STK10: variants seen among roughly 807,000 people sequenced by gnomAD.
STK10 encodes the protein serine/threonine-protein kinase 10.
Under a neutral mutation model 113.8 loss-of-function variants are expected in STK10, and 78 were observed. The observed-to-expected ratio is 0.69, with a 90% CI of 0.57 to 0.83. The LOEUF (loss-of-function observed/expected upper bound fraction) is 0.83. STK10 is among the 40% of genes least tolerant of loss of function. The probability of loss-of-function intolerance (pLI) is 0.00; values close to 1 mark genes in which losing one functional copy is unlikely to be tolerated. For missense variants in STK10, 1,109 were observed against 1,280.1 expected (o/e 0.87, Z 2.04); for synonymous variants, 465 against 494.7 (o/e 0.94, Z 0.80).
intron 15 of STK10, among the ~76,000 whole-genome samples, chr5:172,056,371 G>C (rs1055556882): frequency 2.0e-5 from 3 of 152,258 alleles, no homozygotes; most frequent in African/African-American, 7.2e-5. Flanking sequence ...AACTGAGACA[G>C]ACAATTCCCG....
intron 4 of STK10, among the ~76,000 whole-genome samples, chr5:172,112,416 CTTTTTTT>C (rs1159424183): frequency 2.9e-5 from 3 of 103,072 alleles, no homozygotes; most frequent in Admixed American, 1.1e-4. Context: ...AGGGACCTTA[CTTTTTTT>C]TTTTTTTTTT....
chr5:172,104,310 G>A (rs946542550), intron 7 of STK10, among the ~76,000 whole-genome samples: 7 of 152,160 alleles, frequency 4.6e-5, no homozygotes, highest in South Asian at 2.1e-4. Context: ...GCAAATGACC[G>A]GGCAAGTGCT....
At chr5:172,092,702 T>G (rs1377548631) in intron 9 of STK10, 1 of 152,166 alleles carries the variant, frequency 6.6e-6, no homozygotes, top group East Asian at 1.9e-4. Context: ...GAGCTTTGGG[T>G]AGAGGGTCAG....
intron 1 of STK10, among the ~76,000 whole-genome samples, chr5:172,180,344 A>T (rs1301677739): frequency 6.6e-6 from 1 of 151,970 alleles, no homozygotes; most frequent in Non-Finnish European, 1.5e-5. Flanking sequence ...GGGCGCCTGT[A>T]ATCCCAGCTA....
chr5:172,153,286 C>CGAAAG, intron 2 of STK10, among the ~76,000 whole-genome samples: 1 of 91,746 alleles, frequency 1.1e-5, no homozygotes, highest in East Asian at 3.5e-4. Context: ...AACTCCATCT[C>CGAAAG]AAAAAGAAAG....
At chr5:172,142,336 C>T (rs1769990823) in intron 2 of STK10, among the ~76,000 whole-genome samples, 1 of 152,228 alleles carries the variant, frequency 6.6e-6, no homozygotes, top group African/African-American at 2.4e-5. Flanking sequence ...GACCAGCCCT[C>T]TGGGAATAAA....
At chr5:172,072,453 A>G (rs28809783) in intron 12 of STK10, among the ~76,000 whole-genome samples, 1 of 151,920 alleles carries the variant, frequency 6.6e-6, no homozygotes, top group African/African-American at 2.4e-5. Flanking sequence ...TTTTTAGTAG[A>G]GATGGGGTTT....
At chr5:172,075,882 C>T (rs756291763) in intron 12 of STK10, among the ~76,000 whole-genome samples, 2 of 152,142 alleles carry the variant, frequency 1.3e-5, no homozygotes, top group African/African-American at 2.4e-5. Context: ...TCTTGTACCT[C>T]GTTGTGATGT....
chr5:172,097,253 T>G (rs1470983432), intron 7 of STK10, among the ~76,000 whole-genome samples: 5 of 152,230 alleles, frequency 3.3e-5, no homozygotes, highest in African/African-American at 7.2e-5. Flanking sequence ...TTGGCCAGGC[T>G]GGTCTCAAAC....
At chr5:172,088,113 G>T (rs62381961) in intron 10 of STK10, among the ~76,000 whole-genome samples, 2 of 151,612 alleles carry the variant, frequency 1.3e-5, no homozygotes, top group Non-Finnish European at 2.9e-5. Flanking sequence ...GAGACACTAG[G>T]TTGCCCAGAT....
rs182717852 is a variant in STK10, at chr5:172,048,832, C to T, written c.2767-3810G>A. Among the ~76,000 whole-genome samples, 312 of 152,126 alleles carry T rather than the reference C, an allele frequency of 2.1e-3. 2 individuals carry two copies. Among genetic ancestry groups the T allele is most frequent in the Middle Eastern group, 3.4e-3 (1 of 294 alleles). On this transcript the variant is annotated intron_variant, in intron 18 of 18. Coordinates refer to ENST00000176763, the MANE Select transcript of STK10 (RefSeq NM_005990.4). ...GTAAAAGCCAGACTTTACGCAGGCC[C>T]CCCACCCCTCTGACTTTACCTCCTA...
chr5:172,072,443 T>C (rs935397576), intron 12 of STK10, among the ~76,000 whole-genome samples: 10 of 152,136 alleles, frequency 6.6e-5, no homozygotes, highest in African/African-American at 2.2e-4. Context: ...ATTTTTTGTA[T>C]TTTTAGTAGA....
chr5:172,136,367 C>A (rs1037848958), intron 2 of STK10, among the ~76,000 whole-genome samples: 2 of 152,146 alleles, frequency 1.3e-5, no homozygotes, highest in Non-Finnish European at 2.9e-5. Flanking sequence ...AAGGCCGAGG[C>A]GGGTGGACAC....
intron 12 of STK10, among the ~76,000 whole-genome samples, chr5:172,078,783 T>C (rs1768366480): frequency 7.0e-6 from 1 of 143,288 alleles, no homozygotes; most frequent in Admixed American, 6.8e-5. Flanking sequence ...TCTGCCTCGT[T>C]CAGAGGCAGG....
At chr5:172,115,979 T>C (rs1769374481) in intron 4 of STK10, among the ~76,000 whole-genome samples, 1 of 152,178 alleles carries the variant, frequency 6.6e-6, no homozygotes, top group African/African-American at 2.4e-5. Context: ...GGTTGGGAGT[T>C]GGGGATGCTG....
At position 172,055,651 on chromosome 5, in the gene STK10, G is replaced by A; in HGVS notation, c.2463C>T (p.Tyr821=). ...RSEGKTRMAM[Y]KKSLHINGGG... ...CGCCGTTGATGTGGAGGCTCTTCTT[G>A]TACATGGCCATGCGCGTCTTGCCCT... Residue 821 remains tyrosine, a synonymous_variant, in exon 16 of 19, where the codon TAC becomes TAT. Coordinates refer to ENST00000176763, the MANE Select transcript of STK10 (RefSeq NM_005990.4). The A allele has an allele frequency of 6.3e-7, 1 of 1,579,502 alleles. No homozygotes were observed. Among genetic ancestry groups the A allele is most frequent in the Admixed American group, 1.8e-5 (1 of 55,000 alleles).
At chr5:172,127,234 G>C in intron 3 of STK10, 139 bp downstream of exon 3, 1 of 800,828 alleles carries the variant, frequency 1.2e-6, no homozygotes, top group Non-Finnish European at 2.0e-6. Flanking sequence ...ATAGTAGAGA[G>C]GTGCTCAAAG....
rs746182921 is a variant in STK10, at chr5:172,055,656, T to G, written c.2458A>C (p.Met820Leu). The change falls in exon 16 of 19, where the codon ATG becomes CTG. Residue 820 changes from methionine to leucine, a missense_variant. Physicochemically the swap from Met to Leu is conservative, Grantham distance 15. This residue lies in a region of STK10 where 885 missense variants were observed against 991.1 expected (regional missense o/e 0.89). Transcript: ENST00000176763. The part of the protein sequence containing the change: ...QRSEGKTRMA[M>L]YKKSLHINGG... ...TTGATGTGGAGGCTCTTCTTGTACA[T>G]GGCCATGCGCGTCTTGCCCTCACTC... 26 of 1,580,426 alleles carry G rather than the reference T, an allele frequency of 1.6e-5. No homozygotes were observed. In the South Asian group the frequency reaches 2.3e-4, roughly 14 times the overall value.
chr5:172,077,124 A>G (rs1319842471), intron 12 of STK10, among the ~76,000 whole-genome samples: 1 of 152,236 alleles, frequency 6.6e-6, no homozygotes, highest in Non-Finnish European at 1.5e-5. Context: ...GGGCAGGGGA[A>G]CTGCATGCTG....
Sources: gnomAD v4.1 joint callset for allele counts (sites outside exome capture counted in the v4.1 genomes callset) on GRCh38, gnomAD v4.1.1 for gene constraint, gnomAD v4.1.1 regional missense constraint, MANE v1.5 for transcripts, NCBI Gene and HGNC (gene_info 2026-07-23, HGNC 2026-07-21) for gene names.